Variants in HS3ST2 observed in about 807,000 individuals in gnomAD.
The protein encoded by HS3ST2 is heparan sulfate-glucosamine 3-sulfotransferase 2.
Under a neutral mutation model 26.3 loss-of-function variants are expected in HS3ST2, and 17 were observed. That is an observed-to-expected ratio of 0.65 (90% CI 0.44 to 0.97). The LOEUF is 0.97. HS3ST2 is among the 50% of genes least tolerant of loss of function. The pLI, the probability that HS3ST2 is intolerant of heterozygous loss-of-function variation, is 0.00. For synonymous variants in HS3ST2, 237 were observed against 219.2 expected (o/e 1.08, Z -0.72); for missense variants, 402 against 501.2 (o/e 0.80, Z 1.89).
chr16:22,858,555 T>G (rs373022558), intron 1 of HS3ST2, among the ~76,000 whole-genome samples: 25 of 150,684 alleles, frequency 1.7e-4, no homozygotes, highest in South Asian at 4.2e-4. Flanking sequence ...GGAATCCTTT[T>G]TTTGTTTGTT....
chr16:22,885,294 T>C (rs1300666923), intron 1 of HS3ST2, among the ~76,000 whole-genome samples: 5 of 151,792 alleles, frequency 3.3e-5, no homozygotes, highest in African/African-American at 1.2e-4. Context: ...CAGATGTCAA[T>C]GCAATCCATA....
chr16:22,884,570 G>T (rs1382565069), intron 1 of HS3ST2, among the ~76,000 whole-genome samples: 1 of 151,256 alleles, frequency 6.6e-6, no homozygotes, highest in Non-Finnish European at 1.5e-5. Context: ...TAGCTTCTGG[G>T]TTCAAACCTT....
Position 22,915,688 on chromosome 16 carries a change from T to G in HS3ST2, c.*126T>G. On this transcript the variant is annotated 3_prime_UTR_variant, in exon 2 of 2. Coordinates refer to ENST00000261374, the MANE Select transcript of HS3ST2 (RefSeq NM_006043.2). ...GCCCCCTTTCCCAACTTGAGTTGCA[T>G]CATCTTGGAACCAGGAAGCCCAGCT... 1 of 1,056,404 alleles carries G rather than the reference T, an allele frequency of 9.5e-7. No homozygotes were observed. The highest frequency in any genetic ancestry group is 1.6e-5 in the South Asian group (1 of 61,830). The allele number at this position is 1,056,404 out of a possible 1,614,324, so 65.4% of individuals were successfully genotyped here.
intron 1 of HS3ST2, among the ~76,000 whole-genome samples, chr16:22,845,650 T>C (rs1052767413): frequency 2.0e-5 from 3 of 152,166 alleles, no homozygotes; most frequent in African/African-American, 7.2e-5. Context: ...GCGCCTGGCC[T>C]ATTTTTGATA....
intron 1 of HS3ST2, among the ~76,000 whole-genome samples, chr16:22,826,937 A>G (rs766036216): frequency 2.0e-5 from 3 of 152,228 alleles, no homozygotes; most frequent in Non-Finnish European, 2.9e-5. Context: ...TAGTCAATAA[A>G]TAAGTAAGTC....
intron 1 of HS3ST2, among the ~76,000 whole-genome samples, chr16:22,908,842 C>A (rs1029342337): frequency 2.0e-5 from 3 of 152,074 alleles, no homozygotes. Context: ...TTGGAGGGGA[C>A]AAATATTCAA....
intron 1 of HS3ST2, among the ~76,000 whole-genome samples, chr16:22,849,807 G>A (rs771942094): frequency 7.9e-5 from 12 of 152,056 alleles, no homozygotes; most frequent in Non-Finnish European, 1.6e-4. Flanking sequence ...GCTTCTACTC[G>A]ATAACCTCAC....
At chr16:22,892,289 CAAAAAAAAA>C (rs529693229) in intron 1 of HS3ST2, among the ~76,000 whole-genome samples, 1 of 61,142 alleles carries the variant, frequency 1.6e-5, no homozygotes, top group African/African-American at 6.3e-5. Context: ...GACTCTGTCT[CAAAAAAAAA>C]AAAAAAAGAA....
chr16:22,854,028 A>T (rs1596615100), intron 1 of HS3ST2, among the ~76,000 whole-genome samples: 1 of 152,284 alleles, frequency 6.6e-6, no homozygotes, highest in Admixed American at 6.5e-5. Flanking sequence ...TGTATTTTTA[A>T]TCAGCTGATG....
At chr16:22,852,066 T>C (rs574985127) in intron 1 of HS3ST2, among the ~76,000 whole-genome samples, 47 of 152,360 alleles carry the variant, frequency 3.1e-4, no homozygotes, top group African/African-American at 1.1e-3. Flanking sequence ...AAAGTGTTTT[T>C]TCCTATCAGG....
chr16:22,860,866 T>C (rs1220498524), intron 1 of HS3ST2, among the ~76,000 whole-genome samples: 4 of 150,384 alleles, frequency 2.7e-5, no homozygotes, highest in Non-Finnish European at 5.9e-5. Flanking sequence ...TAGATAAATA[T>C]GTATTTAATA....
rs575818855 is a variant in HS3ST2, at chr16:22,834,127, T to C, written c.485+19032T>C. ...GGAAAAGCAGGGATAGGAGAGAGAC[T>C]TTTCTGTATATCTTTTTCATTTTTT... On this transcript the variant is annotated intron_variant, in intron 1 of 1. Coordinates refer to ENST00000261374, the MANE Select transcript of HS3ST2 (RefSeq NM_006043.2). 3.9e-5 allele frequency among the ~76,000 whole-genome samples: 6 copies of C among 152,298 alleles called. No individual in the cohort carries two copies. The South Asian group carries it at 1.2e-3, about 32-fold the overall frequency.
At chr16:22,841,063 T>C (rs1022335739) in intron 1 of HS3ST2, among the ~76,000 whole-genome samples, 4 of 146,610 alleles carry the variant, frequency 2.7e-5, no homozygotes, top group African/African-American at 7.5e-5. Flanking sequence ...GAGCAACCGG[T>C]GTTTGGTTTT....
At chr16:22,836,528 C>T (rs541171607) in intron 1 of HS3ST2, among the ~76,000 whole-genome samples, 109 of 152,238 alleles carry the variant, frequency 7.2e-4, no homozygotes, top group Non-Finnish European at 1.3e-3. Flanking sequence ...CTTCCTGTCT[C>T]CATTAATTTA....
chr16:22,826,374 T>G (rs463680), intron 1 of HS3ST2, among the ~76,000 whole-genome samples: 40,751 of 151,966 alleles, frequency 0.27, 5,693 homozygotes, highest in Admixed American at 0.35. Flanking sequence ...TCATCATGCA[T>G]GTCCCAGCTC....
At chr16:22,906,599 C>T (rs1389216973) in intron 1 of HS3ST2, among the ~76,000 whole-genome samples, 3 of 152,200 alleles carry the variant, frequency 2.0e-5, no homozygotes, top group Non-Finnish European at 4.4e-5. Flanking sequence ...ATGAGACGTT[C>T]CTTTAAATCT....
chr16:22,855,535 G>T (rs1424729076), intron 1 of HS3ST2, among the ~76,000 whole-genome samples: 3 of 152,122 alleles, frequency 2.0e-5, no homozygotes, highest in Non-Finnish European at 2.9e-5. Context: ...CGCCCCTGCT[G>T]CTCTCTAAAC....
At chr16:22,842,711 T>C (rs535107494) in intron 1 of HS3ST2, among the ~76,000 whole-genome samples, 96 of 152,304 alleles carry the variant, frequency 6.3e-4, no homozygotes, top group African/African-American at 2.3e-3. Context: ...AGCCTCCTGT[T>C]AGACACATGT....
At chr16:22,850,208 G>A (rs1358194690) in intron 1 of HS3ST2, among the ~76,000 whole-genome samples, 2 of 150,864 alleles carry the variant, frequency 1.3e-5, no homozygotes, top group Admixed American at 1.3e-4. Context: ...GGAAAGGGTG[G>A]TTCCCTCCAA....
Sources: gnomAD v4.1 joint callset for allele counts (sites outside exome capture counted in the v4.1 genomes callset) on GRCh38, gnomAD v4.1.1 for gene constraint, MANE v1.5 for transcripts, NCBI Gene and HGNC (gene_info 2026-07-23, HGNC 2026-07-21) for gene names.